The following FZD3 variants were observed in gnomAD, a reference collection of about 807,000 sequenced individuals.
The protein encoded by FZD3 is frizzled-3.
In FZD3, 30 loss-of-function variants were observed where a neutral mutation model predicts 60.7. The ratio of observed to expected loss-of-function variants is 0.49; its 90% CI spans 0.37 to 0.67. FZD3 has a LOEUF of 0.67. Ranked by LOEUF, FZD3 falls within the 30% of genes least tolerant of loss-of-function variation. The pLI is 0.00. For missense variants in FZD3, 605 were observed against 838.7 expected, an observed-to-expected ratio of 0.72 and a Z score of 3.44; for synonymous variants, 246 against 275.2, an observed-to-expected ratio of 0.89 and a Z score of 1.05.
intron 1 of FZD3, among the ~76,000 whole-genome samples, chr8:28,499,016 G>A (rs776094024): frequency 1.3e-5 from 2 of 152,194 alleles, no homozygotes; most frequent in Non-Finnish European, 2.9e-5. Flanking sequence ...TAGAGCAGTA[G>A]TGTATTCCTT....
At chr8:28,530,781 A>G (rs554777313) in intron 5 of FZD3, among the ~76,000 whole-genome samples, 2 of 131,988 alleles carry the variant, frequency 1.5e-5, no homozygotes, top group East Asian at 2.3e-4. Context: ...ACAATTACCA[A>G]TACATACGTA....
intron 1 of FZD3, among the ~76,000 whole-genome samples, chr8:28,499,111 T>G: frequency 6.6e-6 from 1 of 152,236 alleles, no homozygotes; most frequent in East Asian, 1.9e-4. Context: ...ATTTACAGAT[T>G]TAGCAGAGTT....
At chr8:28,520,528 A>G (rs1399109407) in intron 3 of FZD3, 110 bp from the exon 4 acceptor site, 1 of 674,562 alleles carries the variant, frequency 1.5e-6, no homozygotes, top group Non-Finnish European at 2.3e-6. Context: ...GAAAATTTTA[A>G]TAACCCTCAG....
chr8:28,551,598 T>C lies in FZD3; in HGVS notation c.1405-5T>C. 1 of 1,587,484 alleles carries C rather than the reference T, an allele frequency of 6.3e-7. No homozygotes were observed. Among genetic ancestry groups the C allele is most frequent in the Non-Finnish European group, 8.6e-7 (1 of 1,159,850 alleles). On this transcript the variant is annotated splice_polypyrimidine_tract_variant and splice_region_variant and intron_variant, in intron 5 of 7. Coordinates refer to ENST00000240093, the MANE Select transcript of FZD3 (RefSeq NM_017412.4). ...TTTAAGATGCTTTTCTTTCTGTTCTTCCAGGTTACTCAAATGAGTCGTCCA... is the reference window on the plus strand; with the variant it reads ...TTTAAGATGCTTTTCTTTCTGTTCTCCCAGGTTACTCAAATGAGTCGTCCA...
intron 5 of FZD3, among the ~76,000 whole-genome samples, chr8:28,541,102 GTC>G (rs1351900453): frequency 6.6e-6 from 1 of 151,872 alleles, no homozygotes; most frequent in Non-Finnish European, 1.5e-5. Flanking sequence ...CTATTTTTGT[GTC>G]TCTGTGTGAT....
Position 28,566,285 on chromosome 8 carries a change from A to G in FZD3, c.*3274A>G, listed in dbSNP as rs1805704675. 1 of 152,210 alleles carries G rather than the reference A, an allele frequency of 6.6e-6. No homozygotes were observed. The highest frequency in any genetic ancestry group is 2.4e-5 in the African/African-American group (1 of 41,472). The allele number at this position is 152,210 out of a possible 1,614,324, so 9.4% of individuals were successfully genotyped here. A position where few individuals can be genotyped will look rare whatever the true frequency, so the allele number is the denominator to read the frequency against. ...ACATATTTTGCATAGATAACAGTCC[A>G]TATCACTATTATAATTAAAGAAATA... On this transcript the variant is annotated 3_prime_UTR_variant, in exon 8 of 8. Transcript: ENST00000240093.
chr8:28,516,879 A>G (rs1305871146), intron 3 of FZD3, among the ~76,000 whole-genome samples: 2 of 151,738 alleles, frequency 1.3e-5, no homozygotes, highest in African/African-American at 2.4e-5. Context: ...TGTACTTTTG[A>G]CTTATAATAT....
At chr8:28,500,190 A>T (rs1215025673) in intron 2 of FZD3, among the ~76,000 whole-genome samples, 1 of 152,220 alleles carries the variant, frequency 6.6e-6, no homozygotes, top group East Asian at 1.9e-4. Flanking sequence ...TGCTGTATCA[A>T]GATTCTTGTC....
chr8:28,546,598 G>A (rs1411427901), intron 5 of FZD3, among the ~76,000 whole-genome samples: 1 of 151,920 alleles, frequency 6.6e-6, no homozygotes, highest in Non-Finnish European at 1.5e-5. Context: ...GTTTCCCAAT[G>A]CCCCACCCAG....
At chr8:28,494,976 C>G (rs1303671684) in intron 1 of FZD3, among the ~76,000 whole-genome samples, 1 of 152,160 alleles carries the variant, frequency 6.6e-6, no homozygotes, top group Non-Finnish European at 1.5e-5. Context: ...GCGAGCTTCC[C>G]CCGGCTGCCT....
intron 4 of FZD3, among the ~76,000 whole-genome samples, chr8:28,521,904 A>G (rs1168947774): frequency 6.6e-6 from 1 of 152,142 alleles, no homozygotes; most frequent in African/African-American, 2.4e-5. Context: ...ATTTAAAAAT[A>G]ATTTTGTTTG....
intron 3 of FZD3, among the ~76,000 whole-genome samples, chr8:28,520,135 G>C (rs1026927828): frequency 3.3e-5 from 5 of 150,372 alleles, no homozygotes; most frequent in African/African-American, 1.2e-4. Context: ...GCTTGAACTT[G>C]GGAGGCAGAG....
intron 5 of FZD3, among the ~76,000 whole-genome samples, chr8:28,548,043 G>A (rs1805335872): frequency 6.6e-6 from 1 of 151,866 alleles, no homozygotes; most frequent in African/African-American, 2.4e-5. Flanking sequence ...AGTAGAGACG[G>A]GGTTTCACCA....
At chr8:28,559,779 T>C (rs1805581889) in intron 7 of FZD3, among the ~76,000 whole-genome samples, 1 of 152,218 alleles carries the variant, frequency 6.6e-6, no homozygotes, top group Admixed American at 6.5e-5. Flanking sequence ...GTTTTTAACT[T>C]TGTGTGTCAA....
chr8:28,505,115 G>A (rs773714414), intron 3 of FZD3: 16 of 154,802 alleles, frequency 1.0e-4, no homozygotes, highest in African/African-American at 3.1e-4. Context: ...TTCTTTAATA[G>A]CAAATGACGT....
rs1038961154 is a variant in FZD3 at position 28,565,992 on chromosome 8, A to G, written c.*2981A>G. ...TTTCAGCAACTTTTTTTATTCAATA[A>G]CTAGACAAAAGATCTAAGATAATAT... is the stretch of plus-strand genomic sequence containing the variant. On this transcript the variant is annotated 3_prime_UTR_variant, in exon 8 of 8. Coordinates refer to ENST00000240093, the MANE Select transcript of FZD3 (RefSeq NM_017412.4). 6.6e-6 allele frequency: 1 copy of G among 152,160 alleles called. No individual in the cohort carries two copies. Among genetic ancestry groups the G allele is most frequent in the African/African-American group, 2.4e-5 (1 of 41,442 alleles). The allele number at this position is 152,160 out of a possible 1,614,324, so 9.4% of individuals were successfully genotyped here. A position where few individuals can be genotyped will look rare whatever the true frequency, so the allele number is the denominator to read the frequency against.
At chr8:28,541,182 T>C (rs1805157827) in intron 5 of FZD3, among the ~76,000 whole-genome samples, 1 of 152,234 alleles carries the variant, frequency 6.6e-6, no homozygotes, top group Non-Finnish European at 1.5e-5. Context: ...ACTCCTTCTT[T>C]ATAGCAGTAG....
In FZD3 at chr8:28,503,055, T is replaced by C; in HGVS notation, c.42T>C (p.Thr14=). ...TWIVFSLWPL[T]VFMGHIGGHS... is the part of the protein sequence containing the mutation. The stretch of plus-strand genomic sequence containing the variant: ...TTGTCTTCTCTCTTTGGCCCTTGAC[T>C]GTGTTCATGGGGCATATAGGTGGGC... The change falls in exon 3 of 8, where the codon ACT becomes ACC. Residue 14 remains threonine, a synonymous_variant. Transcript: ENST00000240093. The C allele has an allele frequency of 6.2e-7, 1 of 1,613,542 alleles. No homozygotes were observed. The highest frequency in any genetic ancestry group is 8.5e-7 in the Non-Finnish European group (1 of 1,179,566).
intron 6 of FZD3, among the ~76,000 whole-genome samples, chr8:28,554,859 C>T (rs904337333): frequency 1.3e-5 from 2 of 152,042 alleles, no homozygotes; most frequent in African/African-American, 4.8e-5. Context: ...TCTTAACATG[C>T]TGGAGTTTTA....
Sources: allele counts gnomAD v4.1 joint callset (sites outside exome capture counted in the v4.1 genomes callset), GRCh38; gene constraint gnomAD v4.1.1; transcripts MANE v1.5; gene names NCBI Gene and HGNC (gene_info 2026-07-23, HGNC 2026-07-21).